The following ALOX5AP variants were observed in gnomAD, a reference collection of about 807,000 sequenced individuals.
ALOX5AP encodes the protein arachidonate 5-lipoxygenase activating protein.
ALOX5AP carries 9 observed loss-of-function variants against 18.5 expected under a neutral mutation model. That is an observed-to-expected ratio of 0.49 (90% CI 0.29 to 0.85). The LOEUF (loss-of-function observed/expected upper bound fraction) is 0.85. Among genes scored for constraint, ALOX5AP ranks in the 40% least tolerant of loss-of-function variants. ALOX5AP has a pLI of 0.08. For missense variants in ALOX5AP, 172 were observed against 202.5 expected (o/e 0.85, Z 0.91); for synonymous variants, 81 against 78.6 (o/e 1.03, Z -0.16).
intron 1 of ALOX5AP, among the ~76,000 whole-genome samples, chr13:30,741,968 C>A (rs1262898836): frequency 6.6e-6 from 1 of 151,740 alleles, no homozygotes; most frequent in Non-Finnish European, 1.5e-5. Flanking sequence ...AAATGATCAG[C>A]ATTTTCTGTC....
chr13:30,750,937 C>G (rs1018819740), intron 2 of ALOX5AP, among the ~76,000 whole-genome samples: 2 of 152,204 alleles, frequency 1.3e-5, no homozygotes, highest in Non-Finnish European at 2.9e-5. Flanking sequence ...CCTCTAGAAG[C>G]TGGAGAAGGC....
At chr13:30,721,843 G>A (rs2137788567) in intron 1 of ALOX5AP, among the ~76,000 whole-genome samples, 1 of 152,188 alleles carries the variant, frequency 6.6e-6, no homozygotes, top group Middle Eastern at 3.4e-3. Flanking sequence ...ATTTTTTCAG[G>A]TCCTCAACTT....
At chr13:30,752,292 C>T (rs990701324) in intron 3 of ALOX5AP, among the ~76,000 whole-genome samples, 170 bp downstream of exon 3, 10 of 152,298 alleles carry the variant, frequency 6.6e-5, no homozygotes, top group Non-Finnish European at 7.4e-5. Context: ...GCTCTGCACC[C>T]GTGCAGAGCG....
At chr13:30,738,828 G>C (rs954477249) in intron 1 of ALOX5AP, among the ~76,000 whole-genome samples, 3 of 152,146 alleles carry the variant, frequency 2.0e-5, no homozygotes, top group Non-Finnish European at 4.4e-5. Context: ...CCCCAAGAGA[G>C]GCAGCCTCCT....
Position 30,743,694 on chromosome 13 carries a change from G to A in ALOX5AP, c.71-366G>A, listed in dbSNP as rs1951785657. On this transcript the variant is annotated intron_variant, in intron 1 of 4. Transcript: ENST00000380490. Reference sequence around the variant, plus strand: ...TGTCATTCCCTCAAGGAATCCTTCTGTGACTCAACATGGAATTAAGTTGCC... The same window carrying A: ...TGTCATTCCCTCAAGGAATCCTTCTATGACTCAACATGGAATTAAGTTGCC... Among the ~76,000 whole-genome samples the A allele has an allele frequency of 3.3e-5, 5 of 151,952 alleles. No homozygotes were observed. In the South Asian group the frequency reaches 1.0e-3, roughly 31 times the overall value.
intron 1 of ALOX5AP, among the ~76,000 whole-genome samples, chr13:30,738,288 A>T (rs1951736400): frequency 6.6e-6 from 1 of 152,192 alleles, no homozygotes; most frequent in African/African-American, 2.4e-5. Context: ...AAGATCTTCA[A>T]ATTTGTAACC....
chr13:30,713,835 A>G (rs1951527542), exon 1 of ALOX5AP: 1 of 1,493,976 alleles, frequency 6.7e-7, no homozygotes, highest in African/African-American at 1.6e-5. Flanking sequence ...ATAAGCCATC[A>G]GTGCTGGTGT....
intron 1 of ALOX5AP, among the ~76,000 whole-genome samples, chr13:30,718,814 C>T (rs1263316556): frequency 6.6e-6 from 1 of 152,214 alleles, no homozygotes; most frequent in Non-Finnish European, 1.5e-5. Flanking sequence ...CAGCCCTCTC[C>T]TGCTATGCTC....
At chr13:30,715,522 G>A (rs117224299) in intron 1 of ALOX5AP, among the ~76,000 whole-genome samples, 6,307 of 152,242 alleles carry the variant, frequency 0.041, 174 homozygotes, top group Non-Finnish European at 0.064. Flanking sequence ...ACACCATGCA[G>A]ATGCAACAGG....
At position 30,741,831 on chromosome 13, in the gene ALOX5AP, G is replaced by GTTTTTTTTTTTTT. The variant is rs770976174; in HGVS notation, c.71-2223_71-2211dup. Among the ~76,000 whole-genome samples, 10 of 133,944 alleles carry GTTTTTTTTTTTTT rather than the reference G, an allele frequency of 7.5e-5. 1 individual carries two copies. The highest frequency in any genetic ancestry group is 2.1e-4 in the East Asian group (1 of 4,672). 87.9% of individuals were successfully genotyped at this position (133,944 alleles called of 152,430 possible). A position where few individuals can be genotyped will look rare whatever the true frequency, so the allele number is the denominator to read the frequency against. ...GTTCAGTCCAGACAAATGGTTTTCT[G>GTTTTTTTTTTTTT]TTTTTTTTTTTTTTTTTTAATATTT... On this transcript the variant is annotated intron_variant, in intron 1 of 4. Coordinates refer to ENST00000380490, the MANE Select transcript of ALOX5AP (RefSeq NM_001629.4).
At chr13:30,758,010 T>C (rs1270105537) in intron 4 of ALOX5AP, among the ~76,000 whole-genome samples, 1 of 152,024 alleles carries the variant, frequency 6.6e-6, no homozygotes, top group Non-Finnish European at 1.5e-5. Flanking sequence ...TCTCCTCCCC[T>C]CTGGCCGTGG....
chr13:30,713,641 C>T, exon 1 of ALOX5AP: 1 of 963,800 alleles, frequency 1.0e-6, no homozygotes, highest in South Asian at 1.4e-5. Context: ...AAGAGGAGGA[C>T]CCTGTCACAT....
chr13:30,743,636 A>C (rs1951785287), intron 1 of ALOX5AP, among the ~76,000 whole-genome samples: 1 of 151,610 alleles, frequency 6.6e-6, no homozygotes, highest in African/African-American at 2.4e-5. Context: ...CTGCTTGGCT[A>C]ATTTCTACTT....
intron 2 of ALOX5AP, among the ~76,000 whole-genome samples, chr13:30,751,012 T>C (rs1951847418): frequency 6.6e-6 from 1 of 152,230 alleles, no homozygotes; most frequent in African/African-American, 2.4e-5. Flanking sequence ...CTTGACTTTA[T>C]AGCCCTTTGA....
intron 1 of ALOX5AP, among the ~76,000 whole-genome samples, chr13:30,729,844 G>A (rs1412495429): frequency 6.6e-6 from 1 of 152,142 alleles, no homozygotes. Context: ...CCACAGTTTT[G>A]TGATTATAGG....
upstream of ALOX5AP, among the ~76,000 whole-genome samples, chr13:30,731,215 A>G (rs974664173): frequency 3.3e-5 from 5 of 152,014 alleles, no homozygotes; most frequent in Non-Finnish European, 7.4e-5. Context: ...CTGTGAGGGG[A>G]TTGCCAGGTA....
rs1416110739 is a variant in ALOX5AP, at chr13:30,764,118, A to G, written c.*12A>G. Reference sequence around the variant, plus strand: ...TTCTCATTCCCTAACTCTCTGCTGAATATGGGGTTGGTGTTCTCATCTAAT... The same window carrying G: ...TTCTCATTCCCTAACTCTCTGCTGAGTATGGGGTTGGTGTTCTCATCTAAT... On this transcript the variant is annotated 3_prime_UTR_variant, in exon 5 of 5. Coordinates refer to ENST00000380490, the MANE Select transcript of ALOX5AP (RefSeq NM_001629.4). The G allele has an allele frequency of 1.2e-6, 2 of 1,612,620 alleles. No individual in the cohort carries two copies. Among genetic ancestry groups the G allele is most frequent in the Non-Finnish European group, 8.5e-7 (1 of 1,179,174 alleles).
chr13:30,746,031 C>A lies in ALOX5AP; in HGVS notation c.170+1872C>A, dbSNP rs17245505. 6.4e-3 allele frequency among the ~76,000 whole-genome samples: 970 copies of A among 152,314 alleles called. 10 individuals carry two copies. The highest frequency in any genetic ancestry group is 0.022 in the African/African-American group (908 of 41,576). The stretch of plus-strand genomic sequence containing the variant: ...GGCAATGAAGAAGAAATGGAGCAGG[C>A]CAGGCTGTGTAGTTTCTGCCACGTG... On this transcript the variant is annotated intron_variant, in intron 2 of 4. Transcript: ENST00000380490.
At position 30,735,663 on chromosome 13, in the gene ALOX5AP, G is replaced by A. The variant is rs768839702; in HGVS notation, c.58G>A (p.Val20Met). ...VLLAIVTLIS[V>M]VQNGFFAHKV... ...GTTGGCCATCGTCACCCTCATCAGC[G>A]TGGTCCAGAATGGTAAGGAAAGCCC... Residue 20 changes from valine (V) to methionine (M), a missense_variant, in exon 1 of 5, where the codon GTG (valine) becomes ATG (methionine). Physicochemically the swap from Val to Met is conservative, Grantham distance 21. Transcript: ENST00000380490. 22 of 1,614,042 alleles carry A rather than the reference G, an allele frequency of 1.4e-5. No homozygotes were observed. Among genetic ancestry groups the A allele is most frequent in the East Asian group, 4.5e-5 (2 of 44,884 alleles).
Sources: allele counts gnomAD v4.1 joint callset (sites outside exome capture counted in the v4.1 genomes callset), GRCh38; gene constraint gnomAD v4.1.1; transcripts MANE v1.5; gene names NCBI Gene and HGNC (gene_info 2026-07-23, HGNC 2026-07-21).